SOHLH1: variants seen among roughly 807,000 people sequenced by gnomAD.
The protein encoded by SOHLH1 is spermatogenesis and oogenesis specific basic helix-loop-helix 1.
SOHLH1 carries 23 observed loss-of-function variants against 36.2 expected under a neutral mutation model. The observed-to-expected ratio is 0.64, with a 90% CI of 0.46 to 0.90. SOHLH1 has a LOEUF of 0.90. Ranked by LOEUF, SOHLH1 falls within the 40% of genes least tolerant of loss-of-function variation. The pLI is 0.00. For synonymous variants in SOHLH1, 289 were observed against 228.3 expected, an observed-to-expected ratio of 1.27 and a Z score of -2.40; for missense variants, 608 against 517.0, an observed-to-expected ratio of 1.18 and a Z score of -1.71.
At position 135,697,574 on chromosome 9, in the gene SOHLH1, C is replaced by A. The variant is rs922038552; in HGVS notation, c.399G>T (p.Gln133His). Residue 133 changes from glutamine (Q) to histidine (H), a missense_variant, in exon 4 of 8, where the codon CAG becomes CAT. Transcript: ENST00000425225. ...CTTGAATCTGACTCGACAACGTCAA[C>A]TGTAAAACATCCTCCTGCAACGAGT... ...MWHSLQEDVL[Q>H]LTLSSQIQAG... 1.2e-6 allele frequency: 2 copies of A among 1,612,668 alleles called. No homozygotes were observed. Among genetic ancestry groups the A allele is most frequent in the African/African-American group, 2.7e-5 (2 of 74,950 alleles).
upstream of SOHLH1, among the ~76,000 whole-genome samples, chr9:135,700,920 C>T (rs531125559): frequency 1.3e-5 from 2 of 152,106 alleles, no homozygotes; most frequent in Non-Finnish European, 2.9e-5. Context: ...CTAAAGCCCT[C>T]GGAATGTCAT....
intron 5 of SOHLH1, 82 bp downstream of exon 5, chr9:135,696,530 C>T: frequency 6.7e-7 from 1 of 1,494,564 alleles, no homozygotes; most frequent in Non-Finnish European, 9.0e-7. Flanking sequence ...TTGCAAACAG[C>T]CCCCATTGTT....
Position 135,698,471 on chromosome 9 carries a change from C to T in SOHLH1, c.203G>A (p.Arg68Gln), listed in dbSNP as rs778710657. Residue 68 changes from arginine (R) to glutamine (Q), a missense_variant, in exon 3 of 8, where the codon CGG becomes CAG. Coordinates refer to ENST00000425225, the MANE Select transcript of SOHLH1 (RefSeq NM_001101677.2). ...CAGACGCTCACAGCTCAACGACATC[C>T]GCTTCCTGGTTCCGGTCAAGAAACA... ...NVISERERRKRMSLSCERLRA... is the reference protein window; with the variant it reads ...NVISERERRKQMSLSCERLRA... 5.6e-6 allele frequency: 9 copies of T among 1,613,158 alleles called. No homozygotes were observed. Among genetic ancestry groups the T allele is most frequent in the South Asian group, 1.1e-5 (1 of 91,086 alleles).
In SOHLH1 at chr9:135,699,003, C is replaced by T; in HGVS notation, c.189G>A (p.Arg63=). Residue 63 remains arginine (R), a synonymous_variant, in exon 2 of 8, where the codon AGG becomes AGA. Coordinates refer to ENST00000425225, the MANE Select transcript of SOHLH1 (RefSeq NM_001101677.2). ...SCLRRNVISE[R]ERRKRMSLSC... is the part of the protein sequence containing the mutation. ...GAGGCACCACCACTCACCTGCGCTC[C>T]CTCTCGCTGATCACGTTCCGCCGAA... 1.2e-6 allele frequency: 2 copies of T among 1,611,558 alleles called. No individual in the cohort carries two copies. The highest frequency in any genetic ancestry group is 1.9e-4 in the Middle Eastern group (1 of 5,178).
intron 1 of SOHLH1, 88 bp from the exon 2 acceptor site, chr9:135,699,214 T>A: frequency 8.4e-6 from 13 of 1,543,352 alleles, no homozygotes; most frequent in Middle Eastern, 2.1e-4. Context: ...GTCTTTGGGG[T>A]GCGGGTGGAA....
chr9:135,699,960 C>T (rs565903441), upstream of SOHLH1, among the ~76,000 whole-genome samples: 148 of 152,110 alleles, frequency 9.7e-4, no homozygotes, highest in African/African-American at 3.4e-3. Flanking sequence ...GCTCCCCAGT[C>T]GCCCACGCCT....
At chr9:135,700,762 G>C (rs538444205), upstream of SOHLH1, among the ~76,000 whole-genome samples, 13 of 152,304 alleles carry the variant, frequency 8.5e-5, no homozygotes, top group African/African-American at 3.1e-4. Context: ...CTGCAGGTCA[G>C]ACATGGAGGA....
chr9:135,699,873 G>T (rs376675678), upstream of SOHLH1, among the ~76,000 whole-genome samples: 11 of 151,718 alleles, frequency 7.3e-5, no homozygotes, highest in East Asian at 2.0e-3. Flanking sequence ...CCTGGTGGGA[G>T]TGGGCGGGCT....
rs1392131314 is a variant in SOHLH1, at chr9:135,695,241, C to T, written c.684G>A (p.Trp228Ter). 13 of 1,599,424 alleles carry T rather than the reference C, an allele frequency of 8.1e-6. No homozygotes were observed. The highest frequency in any genetic ancestry group is 1.3e-5 in the African/African-American group (1 of 74,842). The stretch of plus-strand genomic sequence containing the variant: ...CCTTAGGAAGACTCCGGCCTGGGGG[C>T]CACGGCACCAGGCTGGAAGGTTCTG... ...PFSEPSSLVP[W>*]PPGRSLPKAV... The change falls in exon 6 of 8, where the codon TGG becomes TGA. Residue 228 changes from tryptophan to a stop codon, truncating the protein, a stop_gained. Coordinates refer to ENST00000425225, the MANE Select transcript of SOHLH1 (RefSeq NM_001101677.2). LOFTEE classifies it high-confidence loss of function.
At chr9:135,699,627 A>G, upstream of SOHLH1, 1 of 674,738 alleles carries the variant, frequency 1.5e-6, no homozygotes, top group Non-Finnish European at 2.4e-6. Flanking sequence ...AGCCCTCCCC[A>G]CGCAGCCAGC....
chr9:135,697,609 C>T lies in SOHLH1; in HGVS notation c.364G>A (p.Glu122Lys), dbSNP rs1365310327. ...TCCTCCTGCAACGAGTGCCACATTT[C>T]CTTGGAGGAAGCAAGAATCTGAAAT... ...EQHAILASSK[E>K]MWHSLQEDVL... The change falls in exon 4 of 8, where the codon GAA becomes AAA. Residue 122 changes from glutamate to lysine, a missense_variant. Transcript: ENST00000425225. 3 of 1,612,212 alleles carry T rather than the reference C, an allele frequency of 1.9e-6. No homozygotes were observed. The highest frequency in any genetic ancestry group is 1.1e-5 in the South Asian group (1 of 91,048).
At position 135,699,417 on chromosome 9, in the gene SOHLH1, G is replaced by A. The variant is rs775050254; in HGVS notation, c.51C>T (p.Thr17=). The change falls in exon 1 of 8, where the codon ACC becomes ACT. Residue 17 remains threonine, a synonymous_variant. Transcript: ENST00000425225. ...CAATTCCTCACTTGCATCCCCTGACGGTAGGGATTCTGGAGACCTCCGGGT... is the reference window on the plus strand; with the variant it reads ...CAATTCCTCACTTGCATCCCCTGACAGTAGGGATTCTGGAGACCTCCGGGT... ...EPYPEVSRIP[T]VRGCNGSLSG... is the part of the protein sequence containing the mutation. The A allele has an allele frequency of 2.5e-6, 4 of 1,612,140 alleles. No individual in the cohort carries two copies. The highest frequency in any genetic ancestry group is 1.3e-5 in the African/African-American group (1 of 75,036).
upstream of SOHLH1, chr9:135,702,077 G>C (rs956921694): frequency 7.3e-6 from 4 of 548,024 alleles, no homozygotes; most frequent in Non-Finnish European, 1.3e-5. Flanking sequence ...GAGCCGCCGC[G>C]GGTCCCGGCG....
intron 5 of SOHLH1, among the ~76,000 whole-genome samples, chr9:135,696,157 G>A (rs1018640329): frequency 1.0e-4 from 15 of 150,152 alleles, no homozygotes; most frequent in African/African-American, 3.7e-4. Context: ...GAGTGACCAG[G>A]ATGGGGCAAG....
chr9:135,698,908 C>G (rs1226448369), intron 2 of SOHLH1, 87 bp downstream of exon 2: 1 of 1,589,202 alleles, frequency 6.3e-7, no homozygotes, highest in Non-Finnish European at 8.6e-7. Flanking sequence ...CTCCCAGCTG[C>G]CTGACACCTG....
intron 5 of SOHLH1, among the ~76,000 whole-genome samples, chr9:135,695,619 A>G (rs1834762883): frequency 6.6e-6 from 1 of 151,400 alleles, no homozygotes; most frequent in Non-Finnish European, 1.5e-5. Flanking sequence ...TGCCTGGCTG[A>G]CTCCTGGGTT....
chr9:135,697,638 A>C lies in SOHLH1; in HGVS notation c.346-11T>G. On this transcript the variant is annotated splice_polypyrimidine_tract_variant and intron_variant, in intron 3 of 7. Coordinates refer to ENST00000425225, the MANE Select transcript of SOHLH1 (RefSeq NM_001101677.2). ...GGAGGAAGCAAGAATCTGAAATTTA[A>C]GTAAACATGTAAAACAAAGACAGAG... 6.2e-7 allele frequency: 1 copy of C among 1,609,542 alleles called. No homozygotes were observed. The highest frequency in any genetic ancestry group is 8.5e-7 in the Non-Finnish European group (1 of 1,178,116).
At chr9:135,696,308 A>C (rs560495) in intron 5 of SOHLH1, among the ~76,000 whole-genome samples, 132,090 of 152,040 alleles carry the variant, frequency 0.87, 58,024 homozygotes, top group East Asian at 0.98. Context: ...GAGCACATGG[A>C]AGTCCCAGGA....
upstream of SOHLH1, among the ~76,000 whole-genome samples, chr9:135,699,783 G>A (rs1027486805): frequency 2.6e-5 from 4 of 151,978 alleles, no homozygotes; most frequent in Non-Finnish European, 5.9e-5. Flanking sequence ...CCCGGGGGTC[G>A]CCTCGGTTCC....
Sources: allele counts gnomAD v4.1 joint callset (sites outside exome capture counted in the v4.1 genomes callset), GRCh38; gene constraint gnomAD v4.1.1; transcripts MANE v1.5; gene names NCBI Gene and HGNC (gene_info 2026-07-23, HGNC 2026-07-21).